PIGG: variants seen among roughly 807,000 people sequenced by gnomAD.
The protein encoded by PIGG is phosphatidylinositol glycan anchor biosynthesis class G (EMM blood group), also known as GPI ethanolamine phosphate transferase 2, catalytic subunit.
A neutral mutation model predicts 83.2 loss-of-function variants in PIGG; 70 were observed. That is an observed-to-expected ratio of 0.84 (90% confidence interval 0.69 to 1.03). The LOEUF is 1.03. Ranked by LOEUF, PIGG falls within the 50% of genes least tolerant of loss-of-function variation. The pLI is 0.00. For missense variants in PIGG, 1,257 were observed against 1,233.6 expected, an observed-to-expected ratio of 1.02 and a Z score of -0.28; for synonymous variants, 532 against 519.5, an observed-to-expected ratio of 1.02 and a Z score of -0.33.
chr4:524,605 T>A (rs1243453583), intron 9 of PIGG: 1 of 152,150 alleles, frequency 6.6e-6, no homozygotes, highest in African/African-American at 2.4e-5. Context: ...CACCAAGCCA[T>A]TCGTGAGGAA....
intron 7 of PIGG, 111 bp from the exon 8 acceptor site, chr4:521,549 T>G: frequency 9.5e-7 from 1 of 1,052,288 alleles, no homozygotes; most frequent in Non-Finnish European, 1.4e-6. Flanking sequence ...TGAGCTTGCT[T>G]TTCTGTTTTT....
At position 521,242 on chromosome 4, in the gene PIGG, C is replaced by T; in HGVS notation, c.1301C>T (p.Ser434Leu). The part of the protein sequence containing the change: ...SAQVAQYDIY[S>L]MMVGTVVVLE... ...CAAGTGGCCCAGTACGACATCTATT[C>T]GATGATGGTGGGGACTGTCGTGGTT... The change falls in exon 7 of 13, where the codon TCG (serine) becomes TTG (leucine). Residue 434 changes from serine to leucine, a missense_variant. Physicochemically the swap from Ser to Leu is moderately radical, Grantham distance 145. Transcript: ENST00000453061. 9 of 1,613,806 alleles carry T rather than the reference C, an allele frequency of 5.6e-6. No homozygotes were observed. Among genetic ancestry groups the T allele is most frequent in the Middle Eastern group, 1.7e-4 (1 of 6,058 alleles).
Position 539,274 on chromosome 4 carries a change from C to T in PIGG, c.2857C>T (p.Pro953Ser). The T allele has an allele frequency of 6.2e-7, 1 of 1,613,470 alleles. No individual in the cohort carries two copies. The highest frequency in any genetic ancestry group is 2.2e-5 in the East Asian group (1 of 44,876). The change falls in exon 13 of 13, where the codon CCA (proline) becomes TCA (serine). Residue 953 changes from proline (P) to serine (S), a missense_variant. Physicochemically the swap from Pro to Ser is moderately conservative, Grantham distance 74. Coordinates refer to ENST00000453061, the MANE Select transcript of PIGG (RefSeq NM_001127178.3). The stretch of plus-strand genomic sequence containing the variant: ...TTTATTTATATGGAGTGTATTTTCT[C>T]CAAAACTTCTCTACGAGGGAATGCA... ...YHLFIWSVFSPKLLYEGMHLL... is the reference protein window; with the variant it reads ...YHLFIWSVFSSKLLYEGMHLL...
rs1728295865 is a variant in PIGG at position 528,610 on chromosome 4, C to T, written c.2261+1380C>T. 1.0e-6 allele frequency: 1 copy of T among 985,282 alleles called. No individual in the cohort carries two copies. The highest frequency in any genetic ancestry group is 4.7e-5 in the South Asian group (1 of 21,288). The allele number at this position is 985,282 out of a possible 1,614,324, so 61.0% of individuals were successfully genotyped here. A position where few individuals can be genotyped will look rare whatever the true frequency, so the allele number is the denominator to read the frequency against. ...TACCAGCGGTGTTCTGTGGAGATGTCTCAAAGGCTGTTGACTTTGGAATCT... is the reference window on the plus strand; with the variant it reads ...TACCAGCGGTGTTCTGTGGAGATGTTTCAAAGGCTGTTGACTTTGGAATCT... On this transcript the variant is annotated intron_variant, in intron 10 of 12. Coordinates refer to ENST00000453061, the MANE Select transcript of PIGG (RefSeq NM_001127178.3). This position sits in a 1 kb window ranked among gnomAD's most constrained non-coding sequence, Gnocchi z 4.8.
Position 535,762 on chromosome 4 carries a change from G to A in PIGG, c.2735+1781G>A, listed in dbSNP as rs754011589. 3.9e-5 allele frequency among the ~76,000 whole-genome samples: 6 copies of A among 152,188 alleles called. No homozygotes were observed. The East Asian group carries it at 5.8e-4, about 15-fold the overall frequency. On this transcript the variant is annotated intron_variant, in intron 12 of 12. Transcript: ENST00000453061. ...AGCATCTGCACGTTTCTGTGGTCCC[G>A]CTCCGCCCTCTGGCTTCTGCTCCAC... is the stretch of plus-strand genomic sequence containing the variant.
Position 499,486 on chromosome 4 carries a change from G to GA in PIGG, c.151_152insA (p.Ala51AspfsTer6). ...GGAGCCCCCAGCGCCCGAACCCTCG[G>GA]CTGGTACGGACCCCTCCCCGGCGTC... On this transcript the variant is annotated frameshift_variant, in exon 1 of 13. Coordinates refer to ENST00000453061, the MANE Select transcript of PIGG (RefSeq NM_001127178.3). LOFTEE classifies it high-confidence loss of function. 1 of 1,595,960 alleles carries GA rather than the reference G, an allele frequency of 6.3e-7. No homozygotes were observed. The highest frequency in any genetic ancestry group is 1.9e-4 in the Middle Eastern group (1 of 5,232).
In PIGG at chr4:533,925, A is replaced by T. The variant is rs943899243; in HGVS notation, c.2679A>T (p.Ala893=). The T allele has an allele frequency of 6.2e-7, 1 of 1,614,180 alleles. No homozygotes were observed. Among genetic ancestry groups the T allele is most frequent in the Non-Finnish European group, 8.5e-7 (1 of 1,180,020 alleles). ...TCCTGACAGCGTTTGGGACGTACGCAGGGCCTGTGCTGTGGGCCAGCCACT... is the reference window on the plus strand; with the variant it reads ...TCCTGACAGCGTTTGGGACGTACGCTGGGCCTGTGCTGTGGGCCAGCCACT... ...AVLLTAFGTY[A]GPVLWASHLV... Residue 893 remains alanine, a synonymous_variant, in exon 12 of 13, where the codon GCA becomes GCT. Coordinates refer to ENST00000453061, the MANE Select transcript of PIGG (RefSeq NM_001127178.3).
chr4:507,720 G>A lies in PIGG; in HGVS notation c.759+127G>A, dbSNP rs1553880635. The stretch of plus-strand genomic sequence containing the variant: ...TCCACCATCAGTCTGCTAGCCAGGG[G>A]CCGCATGCCACACGGGCAGCACTGT... On this transcript the variant is annotated intron_variant, in intron 4 of 12. Coordinates refer to ENST00000453061, the MANE Select transcript of PIGG (RefSeq NM_001127178.3). 6.4e-6 allele frequency: 5 copies of A among 784,432 alleles called. No individual in the cohort carries two copies. The East Asian group carries it at 1.1e-4, about 17-fold the overall frequency. The allele number at this position is 784,432 out of a possible 1,614,324, so 48.6% of individuals were successfully genotyped here. A position where few individuals can be genotyped will look rare whatever the true frequency, so the allele number is the denominator to read the frequency against.
intron 12 of PIGG, among the ~76,000 whole-genome samples, chr4:534,841 G>T (rs557241757): frequency 1.3e-5 from 2 of 150,676 alleles, no homozygotes; most frequent in African/African-American, 4.9e-5. Flanking sequence ...GTTTCCTGGC[G>T]GTTTTGTGCA....
chr4:512,059 A>G (rs557191211), intron 5 of PIGG, among the ~76,000 whole-genome samples: 1 of 152,204 alleles, frequency 6.6e-6, no homozygotes, highest in East Asian at 1.9e-4. Context: ...AGCTTCTTGC[A>G]TGTGTAGGTT....
intron 6 of PIGG, among the ~76,000 whole-genome samples, chr4:519,002 G>A (rs997590494): frequency 6.6e-6 from 1 of 152,094 alleles, no homozygotes; most frequent in Non-Finnish European, 1.5e-5. Flanking sequence ...TCAGCTTGAT[G>A]CTCTTCCTGC....
chr4:516,707 T>G (rs915770546), intron 6 of PIGG, among the ~76,000 whole-genome samples: 1 of 151,728 alleles, frequency 6.6e-6, no homozygotes, highest in African/African-American at 2.4e-5. Context: ...AATACAAAAA[T>G]TAGCCAGGCA....
At chr4:534,620 G>T (rs1004273500) in intron 12 of PIGG, among the ~76,000 whole-genome samples, 13 of 152,236 alleles carry the variant, frequency 8.5e-5, no homozygotes, top group Admixed American at 3.3e-4. Context: ...ATGCTCTCCT[G>T]CCTGGTCCAC....
intron 6 of PIGG, among the ~76,000 whole-genome samples, chr4:518,019 T>C (rs1228399197): frequency 1.3e-5 from 2 of 152,184 alleles, no homozygotes; most frequent in East Asian, 3.9e-4. Context: ...AAGCTTGCGC[T>C]GAGATGTAAA....
Position 538,497 on chromosome 4 carries a change from C to T in PIGG, c.2736-656C>T, listed in dbSNP as rs556727304. 1.1e-4 allele frequency among the ~76,000 whole-genome samples: 17 copies of T among 152,232 alleles called. No homozygotes were observed. The Middle Eastern group carries it at 0.01, about 91-fold the overall frequency. On this transcript the variant is annotated intron_variant, in intron 12 of 12. Coordinates refer to ENST00000453061, the MANE Select transcript of PIGG (RefSeq NM_001127178.3). Reference sequence around the variant, plus strand: ...CACCCTTTTGTGATTTTCTATTCATCGTTTGTATTTTATAATGCATGTGAT... The same window carrying T: ...CACCCTTTTGTGATTTTCTATTCATTGTTTGTATTTTATAATGCATGTGAT...
chr4:524,778 C>T (rs1161399796), intron 9 of PIGG: 1 of 152,118 alleles, frequency 6.6e-6, no homozygotes, highest in East Asian at 1.9e-4. Flanking sequence ...CTGTCTCAGC[C>T]CCCTGAGTAG....
At chr4:523,123 G>A (rs1726507913) in intron 8 of PIGG, among the ~76,000 whole-genome samples, 1 of 152,122 alleles carries the variant, frequency 6.6e-6, no homozygotes, top group South Asian at 2.1e-4. Context: ...AAGCTCTCTG[G>A]GCTGCACCAC....
intron 11 of PIGG, 103 bp from the exon 12 acceptor site, chr4:533,715 G>A (rs374994184): frequency 4.5e-6 from 5 of 1,100,512 alleles, no homozygotes; most frequent in Admixed American, 3.7e-5. Context: ...TGGTTATCTG[G>A]GCTGCCTACA....
At chr4:524,209 C>T (rs970716246) in intron 9 of PIGG, among the ~76,000 whole-genome samples, 1 of 152,206 alleles carries the variant, frequency 6.6e-6, no homozygotes, top group Non-Finnish European at 1.5e-5. Context: ...AGTAAAGATG[C>T]TATGTGGGGG....
Sources: gnomAD v4.1 joint callset for allele counts (sites outside exome capture counted in the v4.1 genomes callset) on GRCh38, gnomAD v4.1.1 for gene constraint, Gnocchi (gnomAD v3.1) non-coding constraint, MANE v1.5 for transcripts, NCBI Gene and HGNC (gene_info 2026-07-23, HGNC 2026-07-21) for gene names.